GNAL: variants seen among roughly 807,000 people sequenced by gnomAD.
GNAL encodes G protein subunit alpha L.
A neutral mutation model predicts 55.1 loss-of-function variants in GNAL; 18 were observed. The observed-to-expected ratio is 0.33, with a 90% CI of 0.23 to 0.48. The LOEUF is 0.48. Among genes scored for constraint, GNAL ranks in the 20% least tolerant of loss-of-function variants. The pLI, the probability that GNAL is intolerant of heterozygous loss-of-function variation, is 0.99. For missense variants in GNAL, 412 were observed against 614.1 expected (o/e 0.67, Z 3.48); for synonymous variants, 253 against 237.0 (o/e 1.07, Z -0.62).
At chr18:11,827,639 A>G (rs2035280697) in intron 5 of GNAL, among the ~76,000 whole-genome samples, 1 of 141,396 alleles carries the variant, frequency 7.1e-6, no homozygotes, top group Admixed American at 6.8e-5. Flanking sequence ...AAAATTAAAA[A>G]TGTCCTGTTT....
intron 4 of GNAL, among the ~76,000 whole-genome samples, chr18:11,766,299 G>A (rs74354438): frequency 0.037 from 5,665 of 152,162 alleles, 129 homozygotes; most frequent in Middle Eastern, 0.054. Context: ...TTTTTATCCT[G>A]TCATCTTCAT....
rs570934066 is a variant in GNAL, at chr18:11,729,463, G to C, written c.377-23390G>C. Among the ~76,000 whole-genome samples, 12 of 152,116 alleles carry C rather than the reference G, an allele frequency of 7.9e-5. No homozygotes were observed. The South Asian group carries it at 2.5e-3, about 32-fold the overall frequency. ...TAGCCAGATCCTCTCCAGATTTAAC[G>C]GTCGATTACAAGTGTTACCTCCTCT... On this transcript the variant is annotated intron_variant, in intron 1 of 11. Transcript: ENST00000334049.
At chr18:11,842,435 T>TAAA in intron 5 of GNAL, among the ~76,000 whole-genome samples, 1 of 152,204 alleles carries the variant, frequency 6.6e-6, no homozygotes, top group Non-Finnish European at 1.5e-5. Flanking sequence ...TGTGCTCTTC[T>TAAA]ATTACGATTA....
At chr18:11,730,989 T>C (rs913109652) in intron 1 of GNAL, among the ~76,000 whole-genome samples, 1 of 152,224 alleles carries the variant, frequency 6.6e-6, no homozygotes, top group Non-Finnish European at 1.5e-5. Flanking sequence ...TGGGTCCTGT[T>C]TATAATCTGG....
At chr18:11,768,264 C>G (rs2033474949) in intron 4 of GNAL, among the ~76,000 whole-genome samples, 1 of 152,138 alleles carries the variant, frequency 6.6e-6, no homozygotes, top group Admixed American at 6.5e-5. Flanking sequence ...GACCTCTGGC[C>G]TCAAAAGCCT....
intron 5 of GNAL, among the ~76,000 whole-genome samples, chr18:11,835,336 A>G (rs538822217): frequency 2.0e-5 from 3 of 152,052 alleles, no homozygotes; most frequent in South Asian, 4.2e-4. Context: ...TTTAAGTACA[A>G]TAAAATGAAG....
At chr18:11,871,717 T>C (rs2036402807) in intron 9 of GNAL, among the ~76,000 whole-genome samples, 1 of 152,256 alleles carries the variant, frequency 6.6e-6, no homozygotes, top group African/African-American at 2.4e-5. Context: ...TCACTTCTAA[T>C]GTGAGTTTTC....
rs141298654 is a variant in GNAL, at chr18:11,827,036, G to A, written c.722+2021G>A. Reference sequence around the variant, plus strand: ...GAGTGCCCAGCAGAGGGCACAGGTCGTCCGGGCCAGATGCTGGAGAGACCC... The same window carrying A: ...GAGTGCCCAGCAGAGGGCACAGGTCATCCGGGCCAGATGCTGGAGAGACCC... On this transcript the variant is annotated intron_variant, in intron 5 of 11. Transcript: ENST00000334049. 3.4e-4 allele frequency among the ~76,000 whole-genome samples: 52 copies of A among 152,268 alleles called. 1 individual carries two copies. In the East Asian group the frequency reaches 8.5e-3, roughly 25 times the overall value.
At chr18:11,718,132 T>G (rs1465488025) in intron 1 of GNAL, among the ~76,000 whole-genome samples, 1 of 152,126 alleles carries the variant, frequency 6.6e-6, no homozygotes, top group Non-Finnish European at 1.5e-5. Context: ...AAAAAAAAGT[T>G]GCATTCTTTA....
intron 4 of GNAL, among the ~76,000 whole-genome samples, chr18:11,799,012 C>G (rs2034455842): frequency 6.6e-6 from 1 of 151,694 alleles, no homozygotes; most frequent in African/African-American, 2.4e-5. Flanking sequence ...ACTTGGGAAG[C>G]TGAGGCAGGA....
Position 11,690,117 on chromosome 18 carries a change from T to C in GNAL, c.376+178T>C, listed in dbSNP as rs976032541. On this transcript the variant is annotated intron_variant, in intron 1 of 11. Coordinates refer to ENST00000334049, the MANE Select transcript of GNAL (RefSeq NM_182978.4). ...CGGACGGGCTACAGAGCGTTTAAACTGTGGGTGGAATGGTTCCCCTGACCT... is the reference window on the plus strand; with the variant it reads ...CGGACGGGCTACAGAGCGTTTAAACCGTGGGTGGAATGGTTCCCCTGACCT... 7.4e-5 allele frequency among the ~76,000 whole-genome samples: 11 copies of C among 149,618 alleles called. 1 individual carries two copies. Among genetic ancestry groups the C allele is most frequent in the African/African-American group, 2.6e-4 (10 of 39,166 alleles).
intron 4 of GNAL, among the ~76,000 whole-genome samples, chr18:11,775,293 A>G (rs1241672717): frequency 6.6e-6 from 1 of 152,212 alleles, no homozygotes; most frequent in African/African-American, 2.4e-5. Flanking sequence ...TGCAGAGTCC[A>G]CACCTCACCC....
chr18:11,777,197 A>G (rs2033808572), intron 4 of GNAL, among the ~76,000 whole-genome samples: 1 of 152,246 alleles, frequency 6.6e-6, no homozygotes, highest in Non-Finnish European at 1.5e-5. Flanking sequence ...TGGTAGAACC[A>G]AGACTGGAAG....
chr18:11,745,159 C>CTA (rs2032662776), intron 1 of GNAL, among the ~76,000 whole-genome samples: 1 of 152,206 alleles, frequency 6.6e-6, no homozygotes, highest in Non-Finnish European at 1.5e-5. Flanking sequence ...CCGTCTTGTG[C>CTA]TATACATACA....
chr18:11,760,078 G>A (rs570875412), intron 4 of GNAL, among the ~76,000 whole-genome samples: 2 of 152,124 alleles, frequency 1.3e-5, no homozygotes, highest in East Asian at 3.9e-4. Context: ...GCTCCCTGAG[G>A]ACCAGGCCTC....
At position 11,885,094 on chromosome 18, in the gene GNAL, CT is replaced by C; in HGVS notation, c.*3963del. Reference sequence around the variant, plus strand: ...CTCCATGGGCTTTTCTTTGCAGATACTTTTATGTGGAACAACAGTGGCAAAT... The same window carrying C: ...CTCCATGGGCTTTTCTTTGCAGATACTTTATGTGGAACAACAGTGGCAAAT... On this transcript the variant is annotated 3_prime_UTR_variant, in exon 12 of 12. Transcript: ENST00000334049. 8.1e-7 allele frequency: 1 copy of C among 1,234,854 alleles called. No individual in the cohort carries two copies. The highest frequency in any genetic ancestry group is 1.0e-6 in the Non-Finnish European group (1 of 954,632). 76.5% of individuals were successfully genotyped at this position (1,234,854 alleles called of 1,614,324 possible). A position where few individuals can be genotyped will look rare whatever the true frequency, so the allele number is the denominator to read the frequency against.
chr18:11,876,984 CA>C (rs2036546603), intron 11 of GNAL, among the ~76,000 whole-genome samples: 1 of 152,188 alleles, frequency 6.6e-6, no homozygotes, highest in Admixed American at 6.5e-5. Context: ...CCAAAAAGGA[CA>C]GCGTCCTTCA....
chr18:11,819,819 G>A (rs7227259), intron 4 of GNAL, among the ~76,000 whole-genome samples: 1 of 151,858 alleles, frequency 6.6e-6, no homozygotes, highest in East Asian at 1.9e-4. Flanking sequence ...TTTTTAAAAT[G>A]TATGAGATCT....
intron 1 of GNAL, among the ~76,000 whole-genome samples, chr18:11,711,492 C>T (rs1295692692): frequency 6.6e-6 from 1 of 151,878 alleles, no homozygotes; most frequent in Non-Finnish European, 1.5e-5. Context: ...CAGGTCTGCT[C>T]TTGAGCCCTG....
Sources: gnomAD v4.1 joint callset for allele counts (sites outside exome capture counted in the v4.1 genomes callset) on GRCh38, gnomAD v4.1.1 for gene constraint, MANE v1.5 for transcripts, NCBI Gene and HGNC (gene_info 2026-07-23, HGNC 2026-07-21) for gene names.